The following MLLT10 variants were observed in gnomAD, a reference collection of about 807,000 sequenced individuals.
MLLT10 encodes MLLT10 histone lysine methyltransferase DOT1L cofactor.
In MLLT10, 30 loss-of-function variants were observed where a neutral mutation model predicts 129.1. That is an observed-to-expected ratio of 0.23 (90% CI 0.17 to 0.32). MLLT10 has a LOEUF of 0.32. Ranked by LOEUF, MLLT10 falls within the 10% of genes least tolerant of loss-of-function variation. The pLI, the probability that MLLT10 is intolerant of heterozygous loss-of-function variation, is 1.00. For synonymous variants in MLLT10, 490 were observed against 446.4 expected (o/e 1.10, Z -1.23); for missense variants, 1,119 against 1,268.3 (o/e 0.88, Z 1.79).
At chr10:21,601,908 T>C (rs2043571545) in intron 5 of MLLT10, among the ~76,000 whole-genome samples, 1 of 152,174 alleles carries the variant, frequency 6.6e-6, no homozygotes, top group African/African-American at 2.4e-5. Context: ...AGATGATAGG[T>C]ATTTAATATA....
chr10:21,542,041 T>G (rs1021810659), intron 3 of MLLT10, among the ~76,000 whole-genome samples: 2 of 152,144 alleles, frequency 1.3e-5, no homozygotes, highest in Admixed American at 6.6e-5. Flanking sequence ...GAACGTATGG[T>G]TTATTAGTAA....
chr10:21,663,023 G>A (rs1361822708), intron 9 of MLLT10, among the ~76,000 whole-genome samples: 3 of 152,176 alleles, frequency 2.0e-5, no homozygotes, highest in Non-Finnish European at 4.4e-5. Flanking sequence ...CCACAGGTTA[G>A]GATCTGGTTA....
chr10:21,536,841 A>G (rs992817590), intron 2 of MLLT10, among the ~76,000 whole-genome samples: 9 of 151,782 alleles, frequency 5.9e-5, no homozygotes, highest in South Asian at 4.2e-4. Context: ...CTGGAGTGCA[A>G]TGGTGCCATC....
In MLLT10 at chr10:21,681,318, CTTCCTCTCA is replaced by C; in HGVS notation, c.1622-13_1622-5del. On this transcript the variant is annotated splice_region_variant and splice_polypyrimidine_tract_variant and intron_variant, in intron 11 of 22. Transcript: ENST00000307729. ...AATTTCTTCACTGATTTCCTTTTTC[CTTCCTCTCA>C]ACAGAAATTTCCATGCAGTATCGGC... is the stretch of plus-strand genomic sequence containing the variant. 6.2e-7 allele frequency: 1 copy of C among 1,611,050 alleles called. No individual in the cohort carries two copies. Among genetic ancestry groups the C allele is most frequent in the Non-Finnish European group, 8.5e-7 (1 of 1,179,270 alleles).
rs980394727 is a variant in MLLT10, at chr10:21,560,420, ATTC to A, written c.240+21514_240+21516del. 6.2e-4 allele frequency among the ~76,000 whole-genome samples: 95 copies of A among 152,170 alleles called. 1 individual carries two copies. The highest frequency in any genetic ancestry group is 6.6e-4 in the Admixed American group (10 of 15,260). Reference sequence around the variant, plus strand: ...CTCAAGTCTTTTTCAGTTTTCTTCAATTCTTCTTATTTTCTGTTGTTCTTACTG... The same window carrying A: ...CTCAAGTCTTTTTCAGTTTTCTTCAATTCTTATTTTCTGTTGTTCTTACTG... On this transcript the variant is annotated intron_variant, in intron 3 of 22. Coordinates refer to ENST00000307729, the MANE Select transcript of MLLT10 (RefSeq NM_001195626.3).
Position 21,673,480 on chromosome 10 carries a change from A to G in MLLT10, c.1182A>G (p.Ser394=). 6.2e-7 allele frequency: 1 copy of G among 1,614,026 alleles called. No individual in the cohort carries two copies. ...NDSYSHSQQS[S]ATKDVHKGES... ...GTTACTCTCACTCCCAACAGTCATC[A>G]GCAACCAAAGATGTACATAAAGGAG... Residue 394 remains serine (S), a synonymous_variant, in exon 11 of 23, where the codon TCA becomes TCG. Coordinates refer to ENST00000307729, the MANE Select transcript of MLLT10 (RefSeq NM_001195626.3).
chr10:21,600,644 G>A (rs552214363), intron 5 of MLLT10, among the ~76,000 whole-genome samples: 1 of 152,180 alleles, frequency 6.6e-6, no homozygotes, highest in South Asian at 2.1e-4. Context: ...CTTTATACTA[G>A]TTACTTAGGT....
At chr10:21,597,214 A>G (rs2043105001) in intron 5 of MLLT10, among the ~76,000 whole-genome samples, 1 of 152,044 alleles carries the variant, frequency 6.6e-6, no homozygotes, top group Admixed American at 6.5e-5. Context: ...AAAGAAGGAT[A>G]CTCTCTTGGG....
chr10:21,716,258 A>G (rs1202833288), intron 14 of MLLT10, among the ~76,000 whole-genome samples: 1 of 152,240 alleles, frequency 6.6e-6, no homozygotes, highest in Admixed American at 6.5e-5. Context: ...TCACTCTCAT[A>G]TAGACCCTGT....
chr10:21,620,902 C>G (rs2045748576), intron 8 of MLLT10, among the ~76,000 whole-genome samples: 1 of 151,362 alleles, frequency 6.6e-6, no homozygotes, highest in South Asian at 2.1e-4. Flanking sequence ...AGGCTGGTCT[C>G]GAACTCCTGA....
At chr10:21,593,374 C>G (rs778184701) in intron 4 of MLLT10, among the ~76,000 whole-genome samples, 1 of 152,084 alleles carries the variant, frequency 6.6e-6, no homozygotes, top group Non-Finnish European at 1.5e-5. Context: ...CGGGTGTGAG[C>G]CCCTGTGCCT....
intron 8 of MLLT10, among the ~76,000 whole-genome samples, chr10:21,622,398 G>C (rs1032597143): frequency 5.3e-5 from 8 of 150,522 alleles, no homozygotes; most frequent in Non-Finnish European, 1.0e-4. Context: ...TAACACCTGC[G>C]TAGAAGCAAT....
chr10:21,534,512 A>C lies in MLLT10; in HGVS notation c.-9A>C. The C allele has an allele frequency of 4.1e-6, 4 of 977,236 alleles. No homozygotes were observed. Among genetic ancestry groups the C allele is most frequent in the Non-Finnish European group, 5.9e-6 (4 of 677,026 alleles). 60.5% of individuals were successfully genotyped at this position (977,236 alleles called of 1,614,324 possible). Reference sequence around the variant, plus strand: ...TGCGGAACGTGAGTGACTGAGCGGCAAAGCCCGAGTGAGCGAGCGGTGGGC... The same window carrying C: ...TGCGGAACGTGAGTGACTGAGCGGCCAAGCCCGAGTGAGCGAGCGGTGGGC... On this transcript the variant is annotated 5_prime_UTR_variant, in exon 1 of 23. Transcript: ENST00000307729.
chr10:21,593,955 AAAAG>A (rs1398232271), intron 4 of MLLT10, among the ~76,000 whole-genome samples: 2 of 150,548 alleles, frequency 1.3e-5, no homozygotes, highest in Admixed American at 6.7e-5. Flanking sequence ...AAAAAAAAAA[AAAAG>A]GTGGAAATTA....
chr10:21,614,715 C>T, intron 6 of MLLT10, 116 bp from the exon 7 acceptor site: 2 of 709,316 alleles, frequency 2.8e-6, no homozygotes, highest in Non-Finnish European at 4.4e-6. Flanking sequence ...TCATTTTTTT[C>T]TTAGGAGATG....
intron 4 of MLLT10, among the ~76,000 whole-genome samples, chr10:21,590,165 A>G (rs933964755): frequency 1.3e-5 from 2 of 152,012 alleles, no homozygotes; most frequent in Non-Finnish European, 2.9e-5. Context: ...CGTCTCGAAC[A>G]TCTGGGATCA....
chr10:21,708,553 C>T lies in MLLT10; in HGVS notation c.1700-5219C>T, dbSNP rs570734320. ...CTTGATAGGAAAGGAACATTTTGCT[C>T]TGTTTTTTTTGTGTGTGTGTTTTTT... On this transcript the variant is annotated intron_variant, in intron 13 of 22. Coordinates refer to ENST00000307729, the MANE Select transcript of MLLT10 (RefSeq NM_001195626.3). 3.0e-5 allele frequency: 29 copies of T among 982,856 alleles called. No individual in the cohort carries two copies. The African/African-American group carries it at 4.8e-4, about 16-fold the overall frequency. The allele number at this position is 982,856 out of a possible 1,614,324, so 60.9% of individuals were successfully genotyped here.
intron 8 of MLLT10, among the ~76,000 whole-genome samples, chr10:21,626,463 C>T (rs2046446686): frequency 1.3e-5 from 2 of 152,110 alleles, no homozygotes. Flanking sequence ...ACATGAGAGG[C>T]AGCCTTCTAA....
chr10:21,544,803 A>G (rs2035810262), intron 3 of MLLT10, among the ~76,000 whole-genome samples: 1 of 152,180 alleles, frequency 6.6e-6, no homozygotes, highest in African/African-American at 2.4e-5. Context: ...GCAAGTGAAG[A>G]CTAAAGAAAG....
Sources: allele counts gnomAD v4.1 joint callset (sites outside exome capture counted in the v4.1 genomes callset), GRCh38; gene constraint gnomAD v4.1.1; transcripts MANE v1.5; gene names NCBI Gene and HGNC (gene_info 2026-07-23, HGNC 2026-07-21).